The following ZBTB7A variants were observed in gnomAD, a reference collection of about 807,000 sequenced individuals.
ZBTB7A encodes the protein zinc finger and BTB domain containing 7A, also known as zinc finger and BTB domain-containing protein 7A.
A neutral mutation model predicts 26.7 loss-of-function variants in ZBTB7A; 7 were observed. The ratio of observed to expected loss-of-function variants is 0.26; its 90% CI spans 0.15 to 0.49. The LOEUF (loss-of-function observed/expected upper bound fraction) is 0.49. Ranked by LOEUF, ZBTB7A falls within the 20% of genes least tolerant of loss-of-function variation. The pLI, the probability that ZBTB7A is intolerant of heterozygous loss-of-function variation, is 0.98. For missense variants in ZBTB7A, 617 were observed against 919.5 expected (o/e 0.67, Z 4.25); for synonymous variants, 452 against 441.0 (o/e 1.02, Z -0.31).
chr19:4,058,493 T>G (rs2040606455), intron 1 of ZBTB7A, among the ~76,000 whole-genome samples: 1 of 151,966 alleles, frequency 6.6e-6, no homozygotes, highest in Non-Finnish European at 1.5e-5. Context: ...TCGGAGCTTG[T>G]GCAACCCTCT....
chr19:4,056,639 G>A (rs35567710), intron 1 of ZBTB7A, among the ~76,000 whole-genome samples: 1 of 152,184 alleles, frequency 6.6e-6, no homozygotes, highest in African/African-American at 2.4e-5. Flanking sequence ...GGAGGCCGAG[G>A]CGGGCAGATC....
At chr19:4,053,601 ATG>A (rs1275758174) in intron 2 of ZBTB7A, among the ~76,000 whole-genome samples, 2 of 141,944 alleles carry the variant, frequency 1.4e-5, no homozygotes, top group Non-Finnish European at 3.0e-5. Context: ...GTGTGCGTGC[ATG>A]TGTATGTGAT....
intron 1 of ZBTB7A, among the ~76,000 whole-genome samples, chr19:4,062,421 C>T (rs79702071): frequency 0.017 from 2,606 of 152,312 alleles, 47 homozygotes; most frequent in South Asian, 0.1. Context: ...CAGAGACCCA[C>T]GGTACGTGAC....
At chr19:4,053,680 C>CGTGTGCGT (rs1463042328) in intron 2 of ZBTB7A, among the ~76,000 whole-genome samples, 2 of 147,202 alleles carry the variant, frequency 1.4e-5, no homozygotes, top group Admixed American at 6.8e-5. Flanking sequence ...ATGTGGTGTG[C>CGTGTGCGT]GTGTGCGTGT....
chr19:4,045,854 C>A lies in ZBTB7A; in HGVS notation c.*1898G>T. On this transcript the variant is annotated 3_prime_UTR_variant, in exon 3 of 3. Coordinates refer to ENST00000322357, the MANE Select transcript of ZBTB7A (RefSeq NM_015898.4). This position sits in a 1 kb window ranked among gnomAD's most constrained non-coding sequence, Gnocchi z 4.1. Reference sequence around the variant, plus strand: ...AGGTTGGGGGGAGGCAGGTCCCAGTCCCCCTGGATTACAGTCAGTGCCTTT... The same window carrying A: ...AGGTTGGGGGGAGGCAGGTCCCAGTACCCCTGGATTACAGTCAGTGCCTTT... 2.5e-6 allele frequency: 1 copy of A among 398,806 alleles called. No individual in the cohort carries two copies. Among genetic ancestry groups the A allele is most frequent in the South Asian group, 1.3e-4 (1 of 7,816 alleles). 24.7% of individuals were successfully genotyped at this position (398,806 alleles called of 1,614,324 possible).
chr19:4,047,684 G>T lies in ZBTB7A; in HGVS notation c.*68C>A. ...TCTTTTTTTGTGTTTTTGGGGGGGT[G>T]GTGGGTGATTTTTTTTCTCTCTCTC... is the stretch of plus-strand genomic sequence containing the variant. On this transcript the variant is annotated 3_prime_UTR_variant, in exon 3 of 3. Coordinates refer to ENST00000322357, the MANE Select transcript of ZBTB7A (RefSeq NM_015898.4). 1 of 1,530,360 alleles carries T rather than the reference G, an allele frequency of 6.5e-7. No homozygotes were observed. Among genetic ancestry groups the T allele is most frequent in the Non-Finnish European group, 8.8e-7 (1 of 1,141,164 alleles). 94.8% of individuals were successfully genotyped at this position (1,530,360 alleles called of 1,614,324 possible).
chr19:4,058,077 G>C (rs1402371635), intron 1 of ZBTB7A, among the ~76,000 whole-genome samples: 1 of 152,190 alleles, frequency 6.6e-6, no homozygotes. Flanking sequence ...CCGAAACCCA[G>C]CTGAGGTCAA....
At chr19:4,056,416 C>A (rs1380252064) in intron 1 of ZBTB7A, among the ~76,000 whole-genome samples, 1 of 152,176 alleles carries the variant, frequency 6.6e-6, no homozygotes, top group East Asian at 1.9e-4. Flanking sequence ...GGAGGGCCCC[C>A]GGGAATGCCT....
chr19:4,055,018 T>C lies in ZBTB7A; in HGVS notation c.215A>G (p.Gln72Arg), dbSNP rs1157090864. ...GACGAAGTCGATCTCGTACACGTTC[T>C]GCTGGTCCACCACGGCGCCCGACGT... The part of the protein sequence containing the change: ...LFTSGAVVDQ[Q>R]NVYEIDFVSA... The change falls in exon 2 of 3, where the codon CAG becomes CGG. Residue 72 changes from glutamine to arginine, a missense_variant. Gln to Arg is a conservative substitution (Grantham distance 43, BLOSUM62 1). This residue lies in a region of ZBTB7A where 82 missense variants were observed against 195.2 expected (regional missense o/e 0.42). Coordinates refer to ENST00000322357, the MANE Select transcript of ZBTB7A (RefSeq NM_015898.4). The C allele has an allele frequency of 1.9e-6, 3 of 1,611,288 alleles. No homozygotes were observed. The Admixed American group carries it at 5.0e-5, about 27-fold the overall frequency.
Position 4,048,676 on chromosome 19 carries a change from C to CA in ZBTB7A, c.1263-433dup, listed in dbSNP as rs907229093. On this transcript the variant is annotated intron_variant, in intron 2 of 2. Coordinates refer to ENST00000322357, the MANE Select transcript of ZBTB7A (RefSeq NM_015898.4). This position sits in a 1 kb window ranked among gnomAD's most constrained non-coding sequence, Gnocchi z 6.7. ...TGAAACCCTGTCTCTACTAAAAAAA[C>CA]AAAAAACAAAAAAACAAAAAACAAA... Among the ~76,000 whole-genome samples, 1 of 141,768 alleles carries CA rather than the reference C, an allele frequency of 7.1e-6. No homozygotes were observed. Among genetic ancestry groups the CA allele is most frequent in the Admixed American group, 6.9e-5 (1 of 14,552 alleles). The allele number at this position is 141,768 out of a possible 152,430, so 93.0% of individuals were successfully genotyped here. A position where few individuals can be genotyped will look rare whatever the true frequency, so the allele number is the denominator to read the frequency against.
intron 2 of ZBTB7A, among the ~76,000 whole-genome samples, chr19:4,049,160 GTGTGTGTGTATATATATA>G (rs1471579195): frequency 3.8e-4 from 6 of 15,870 alleles, no homozygotes; most frequent in African/African-American, 8.9e-4. Context: ...GTGTGTGTGT[GTGTGTGTGTATATATATA>G]TATATATATA....
intron 2 of ZBTB7A, among the ~76,000 whole-genome samples, chr19:4,049,322 C>T (rs1173993095): frequency 6.7e-6 from 1 of 149,388 alleles, no homozygotes; most frequent in Non-Finnish European, 1.5e-5. Flanking sequence ...CAGGTGTGAG[C>T]CACTGCGCCC....
chr19:4,051,624 C>G (rs1415916567), intron 2 of ZBTB7A, among the ~76,000 whole-genome samples: 1 of 152,244 alleles, frequency 6.6e-6, no homozygotes, highest in African/African-American at 2.4e-5. Context: ...CCTGGCCTAA[C>G]CAGGTCTGTT....
intron 1 of ZBTB7A, among the ~76,000 whole-genome samples, chr19:4,058,657 T>TGGCCTCCTCCGAA (rs75056773): frequency 0.98 from 149,274 of 152,014 alleles, 73,318 homozygotes; most frequent in African/African-American, 0.99. Context: ...GGGCCTTTCA[T>TGGCCTCCTCCGAA]GGCCTCCTCC....
chr19:4,053,497 GCC>G (rs2040527095), intron 2 of ZBTB7A, among the ~76,000 whole-genome samples: 1 of 83,450 alleles, frequency 1.2e-5, no homozygotes, highest in African/African-American at 1.1e-4. Context: ...CTGTGTGCGT[GCC>G]TGGGTGTGCG....
rs1275320731 is a variant in ZBTB7A at position 4,046,850 on chromosome 19, T to A, written c.*902A>T. On this transcript the variant is annotated 3_prime_UTR_variant, in exon 3 of 3. Coordinates refer to ENST00000322357, the MANE Select transcript of ZBTB7A (RefSeq NM_015898.4). ...AAAATCTAAAAAGTGCTTTAAAAAT[T>A]TGGGAGAGGGGGCTCGGGGGAGAGG... 1 of 147,568 alleles carries A rather than the reference T, an allele frequency of 6.8e-6. No homozygotes were observed. The highest frequency in any genetic ancestry group is 1.5e-5 in the Non-Finnish European group (1 of 67,006). The allele number at this position is 147,568 out of a possible 1,614,324, so 9.1% of individuals were successfully genotyped here.
intron 1 of ZBTB7A, among the ~76,000 whole-genome samples, chr19:4,061,177 C>T (rs536540502): frequency 2.6e-5 from 4 of 152,248 alleles, no homozygotes; most frequent in Non-Finnish European, 4.4e-5. Flanking sequence ...CCACCCCTCA[C>T]GGATGGGAAC....
chr19:4,060,559 G>A (rs2040628274), intron 1 of ZBTB7A, among the ~76,000 whole-genome samples: 1 of 152,234 alleles, frequency 6.6e-6, no homozygotes, highest in African/African-American at 2.4e-5. Context: ...CCCAGCTGCG[G>A]GGGATGTGTC....
At chr19:4,065,868 C>G (rs1284236271) in intron 1 of ZBTB7A, 1 of 143,520 alleles carries the variant, frequency 7.0e-6, no homozygotes, top group Non-Finnish European at 1.5e-5. Flanking sequence ...GGACCGCCAC[C>G]GGCCCCCGGC....
Sources: allele counts gnomAD v4.1 joint callset (sites outside exome capture counted in the v4.1 genomes callset), GRCh38; gene constraint gnomAD v4.1.1; regional missense constraint gnomAD v4.1.1; non-coding constraint Gnocchi (gnomAD v3.1); transcripts MANE v1.5; gene names NCBI Gene and HGNC (gene_info 2026-07-23, HGNC 2026-07-21).